The following SNX25 variants were observed in gnomAD, a reference collection of about 807,000 sequenced individuals.
SNX25 encodes the protein sorting nexin-25.
A neutral mutation model predicts 113.7 loss-of-function variants in SNX25; 62 were observed. The ratio of observed to expected loss-of-function variants is 0.55; its 90% CI spans 0.44 to 0.67. The LOEUF is 0.67. Among genes scored for constraint, SNX25 ranks in the 30% least tolerant of loss-of-function variants. The pLI, the probability that SNX25 is intolerant of heterozygous loss-of-function variation, is 0.00. For synonymous variants in SNX25, 421 were observed against 436.2 expected, an observed-to-expected ratio of 0.97 and a Z score of 0.43; for missense variants, 1,014 against 1,161.0, an observed-to-expected ratio of 0.87 and a Z score of 1.84.
intron 5 of SNX25, among the ~76,000 whole-genome samples, chr4:185,275,691 A>G (rs1009271845): frequency 6.6e-6 from 1 of 152,216 alleles, no homozygotes; most frequent in African/African-American, 2.4e-5. Flanking sequence ...ACTCATGAGC[A>G]GTAAAATAGG....
intron 3 of SNX25, among the ~76,000 whole-genome samples, chr4:185,261,352 T>G (rs963227852): frequency 6.6e-6 from 1 of 152,012 alleles, no homozygotes; most frequent in African/African-American, 2.4e-5. Flanking sequence ...ACATTTTGTA[T>G]TTTTAGTAGA....
intron 5 of SNX25, among the ~76,000 whole-genome samples, chr4:185,272,961 G>A (rs1240210361): frequency 6.6e-6 from 1 of 152,174 alleles, no homozygotes; most frequent in African/African-American, 2.4e-5. Context: ...GTTTACTGTA[G>A]AATTTTTAGC....
intron 17 of SNX25, 65 bp from the exon 18 acceptor site, chr4:185,362,546 C>A: frequency 6.9e-7 from 1 of 1,457,362 alleles, no homozygotes; most frequent in Non-Finnish European, 9.5e-7. Flanking sequence ...GTATTCCTTT[C>A]ACTGCAAAGC....
chr4:185,323,415 A>G, intron 8 of SNX25, 113 bp from the exon 9 acceptor site: 1 of 948,760 alleles, frequency 1.1e-6, no homozygotes, highest in Non-Finnish European at 1.6e-6. Flanking sequence ...TCTACATACC[A>G]GGGTGCATCT....
intron 7 of SNX25, among the ~76,000 whole-genome samples, chr4:185,314,974 G>A (rs1177094637): frequency 6.0e-5 from 9 of 149,780 alleles, no homozygotes; most frequent in South Asian, 2.1e-4. Flanking sequence ...CACGCCTGTA[G>A]TCCCAGCACT....
Position 185,213,938 on chromosome 4 carries a change from C to CT in SNX25, c.429+3697dup, listed in dbSNP as rs77831124. On this transcript the variant is annotated intron_variant, in intron 1 of 18. Transcript: ENST00000652585. ...TTTTTACCCTGTGGTTTACTAGATC[C>CT]TTTTTTTTTTTTTTAGACAAGGTCT... Among the ~76,000 whole-genome samples the CT allele has an allele frequency of 6.2e-3, 870 of 140,246 alleles. 6 individuals are homozygous for CT. Among genetic ancestry groups the CT allele is most frequent in the African/African-American group, 0.018 (702 of 38,442 alleles). 92.0% of individuals were successfully genotyped at this position (140,246 alleles called of 152,430 possible).
At chr4:185,366,953 G>A, downstream of SNX25, 1 of 457,346 alleles carries the variant, frequency 2.2e-6, no homozygotes, top group Non-Finnish European at 3.9e-6. Context: ...AGTCTGTAGG[G>A]TAAGAGGTGG....
At chr4:185,356,262 G>T (rs1446054287) in intron 15 of SNX25, among the ~76,000 whole-genome samples, 1 of 152,090 alleles carries the variant, frequency 6.6e-6, no homozygotes, top group Non-Finnish European at 1.5e-5. Flanking sequence ...TTTGGTTTCT[G>T]CTCTAGTTTA....
Position 185,271,887 on chromosome 4 carries a change from A to G in SNX25, c.1091+4732A>G, listed in dbSNP as rs118060501. Among the ~76,000 whole-genome samples, 484 of 152,364 alleles carry G rather than the reference A, an allele frequency of 3.2e-3. 13 individuals carry two copies. The South Asian group carries it at 0.056, about 18-fold the overall frequency. ...CTGGAATAGTTTGGTTATTTTCTGA[A>G]TCAGCATGAAGTGCTTTCACAGTAG... On this transcript the variant is annotated intron_variant, in intron 5 of 18. Transcript: ENST00000652585.
intron 8 of SNX25, 134 bp downstream of exon 8, chr4:185,320,998 T>G: frequency 1.5e-6 from 1 of 685,086 alleles, no homozygotes; most frequent in Non-Finnish European, 2.2e-6. Context: ...TGACATTATG[T>G]TCTAGCCCAT....
At position 185,267,115 on chromosome 4, in the gene SNX25, A is replaced by T; in HGVS notation, c.1051A>T (p.Ile351Phe). 6.2e-7 allele frequency: 1 copy of T among 1,613,946 alleles called. No homozygotes were observed. The highest frequency in any genetic ancestry group is 1.1e-5 in the South Asian group (1 of 91,072). ...APSYEDFIKL[I>F]NSNSDVEFLK... ...CTCTTACGAGGACTTCATCAAGCTC[A>T]TTAACAGCAACTCTGATGTGGAGTT... Residue 351 changes from isoleucine to phenylalanine, a missense_variant, in exon 5 of 19, where the codon ATT becomes TTT. Physicochemically the swap from Ile to Phe is conservative, Grantham distance 21 (BLOSUM62 0). Coordinates refer to ENST00000652585, the MANE Select transcript of SNX25 (RefSeq NM_001378034.2).
Position 185,209,885 on chromosome 4 carries a change from G to T in SNX25, c.59G>T (p.Gly20Val). The T allele has an allele frequency of 1.0e-6, 1 of 983,304 alleles. No individual in the cohort carries two copies. Among genetic ancestry groups the T allele is most frequent in the Non-Finnish European group, 1.2e-6 (1 of 829,194 alleles). 60.9% of individuals were successfully genotyped at this position (983,304 alleles called of 1,614,324 possible). The stretch of plus-strand genomic sequence containing the variant: ...GGCCCCAGCCCCGCGCGGGCCGCAG[G>T]CGCCGGCGGCCGTCCTGTCTCGGGC... ...GAGPSPARAA[G>V]AGGRPVSGFR... Residue 20 changes from glycine to valine, a missense_variant, in exon 1 of 19, where the codon GGC becomes GTC. Gly to Val is a moderately radical substitution (Grantham distance 109). Transcript: ENST00000652585. The surrounding 1 kb of genome is among the most constrained non-coding windows in gnomAD (Gnocchi z 5.2).
chr4:185,287,293 T>C (rs1355152116), intron 5 of SNX25, among the ~76,000 whole-genome samples: 1 of 152,226 alleles, frequency 6.6e-6, no homozygotes, highest in Non-Finnish European at 1.5e-5. Context: ...AATCTCATGC[T>C]TCTCAGCTCT....
chr4:185,372,945 T>C (rs773258009), downstream of SNX25: 1 of 1,614,040 alleles, frequency 6.2e-7, no homozygotes, highest in South Asian at 1.1e-5. Context: ...TTCCGCGTTC[T>C]GCTGCTTCTC....
intron 1 of SNX25, among the ~76,000 whole-genome samples, chr4:185,224,588 A>C (rs1466862385): frequency 4.2e-5 from 6 of 144,206 alleles, no homozygotes; most frequent in African/African-American, 1.2e-4. Flanking sequence ...AATATATATA[A>C]ATATATAAAT....
At chr4:185,266,852 C>A in intron 4 of SNX25, 117 bp from the exon 5 acceptor site, 2 of 792,896 alleles carry the variant, frequency 2.5e-6, no homozygotes, top group African/African-American at 1.9e-5. Flanking sequence ...TATAGATATT[C>A]CCCTGTTTGA....
At chr4:185,375,487 A>AAAAAAAAAAAAAATATATAT in the SNX25 span, 1 of 12,010 alleles carries the variant, frequency 8.3e-5, no homozygotes, top group Non-Finnish European at 1.5e-4. Flanking sequence ...AAAAAAAAAA[A>AAAAAAAAAAAAAATATATAT]ATATATATAT....
Position 185,363,340 on chromosome 4 carries a change from T to C in SNX25, c.2935-45T>C. The C allele has an allele frequency of 6.3e-7, 1 of 1,588,604 alleles. No homozygotes were observed. The highest frequency in any genetic ancestry group is 8.6e-7 in the Non-Finnish European group (1 of 1,157,942). On this transcript the variant is annotated intron_variant, in intron 18 of 18. Transcript: ENST00000652585. This position sits in a 1 kb window ranked among gnomAD's most constrained non-coding sequence, Gnocchi z 4.2. Reference sequence around the variant, plus strand: ...CAGATATTTATTTTGAATAAACCCTTGGAGAAAAACATTTTTCCACTTTTT... The same window carrying C: ...CAGATATTTATTTTGAATAAACCCTCGGAGAAAAACATTTTTCCACTTTTT...
chr4:185,342,221 T>A, intron 12 of SNX25, 105 bp downstream of exon 12: 1 of 1,271,406 alleles, frequency 7.9e-7, no homozygotes, highest in Non-Finnish European at 1.0e-6. Flanking sequence ...CTGTTGATAC[T>A]GGCACAGTGG....
Sources: allele counts gnomAD v4.1 joint callset (sites outside exome capture counted in the v4.1 genomes callset), GRCh38; gene constraint gnomAD v4.1.1; non-coding constraint Gnocchi (gnomAD v3.1); transcripts MANE v1.5; gene names NCBI Gene and HGNC (gene_info 2026-07-23, HGNC 2026-07-21).